The following TBC1D22A variants were observed in gnomAD, a reference collection of about 807,000 sequenced individuals.
TBC1D22A encodes the protein TBC1 domain family member 22A, also known as putative GTPase activator.
In TBC1D22A, 38 loss-of-function variants were observed where a neutral mutation model predicts 60.2. The ratio of observed to expected loss-of-function variants is 0.63; its 90% CI spans 0.49 to 0.83. TBC1D22A has a LOEUF of 0.83. Among genes scored for constraint, TBC1D22A ranks in the 40% least tolerant of loss-of-function variants. The pLI, the probability that TBC1D22A is intolerant of heterozygous loss-of-function variation, is 0.00. For missense variants in TBC1D22A, 628 were observed against 701.0 expected (o/e 0.90, Z 1.18); for synonymous variants, 302 against 281.7 (o/e 1.07, Z -0.72).
chr22:47,039,001 G>C (rs971874861), intron 11 of TBC1D22A, among the ~76,000 whole-genome samples: 1 of 152,186 alleles, frequency 6.6e-6, no homozygotes, highest in African/African-American at 2.4e-5. Flanking sequence ...TGGTTAGGCT[G>C]TTTGAGACCC....
intron 11 of TBC1D22A, among the ~76,000 whole-genome samples, chr22:47,040,268 C>T (rs113313692): frequency 5.9e-5 from 9 of 152,164 alleles, no homozygotes; most frequent in Admixed American, 2.0e-4. Context: ...TTAAACAACC[C>T]GATCTCAGGA....
At chr22:47,160,996 C>G (rs1164537167) in intron 12 of TBC1D22A, among the ~76,000 whole-genome samples, 1 of 152,154 alleles carries the variant, frequency 6.6e-6, no homozygotes, top group Non-Finnish European at 1.5e-5. Context: ...TCTAGAAAAA[C>G]TGAGGTTTCC....
At chr22:46,792,215 C>T (rs1307303103) in intron 1 of TBC1D22A, among the ~76,000 whole-genome samples, 1 of 152,264 alleles carries the variant, frequency 6.6e-6, no homozygotes, top group Non-Finnish European at 1.5e-5. Flanking sequence ...CCCAGACACC[C>T]TCATCACCGT....
chr22:46,763,599 G>A (rs1226880965), intron 1 of TBC1D22A: 3 of 151,838 alleles, frequency 2.0e-5, no homozygotes, highest in Non-Finnish European at 4.4e-5. Flanking sequence ...TCAGAGATAA[G>A]CAAACGTCAA....
At chr22:47,063,946 G>A (rs2063671740) in intron 11 of TBC1D22A, among the ~76,000 whole-genome samples, 1 of 50,106 alleles carries the variant, frequency 2.0e-5, no homozygotes, top group Admixed American at 2.6e-4. Flanking sequence ...CCCTACTCCA[G>A]TGTGGCCTCC....
intron 10 of TBC1D22A, among the ~76,000 whole-genome samples, chr22:47,021,698 A>G (rs925964551): frequency 6.6e-6 from 1 of 152,262 alleles, no homozygotes; most frequent in Non-Finnish European, 1.5e-5. Context: ...TGACCCATAC[A>G]GACTCATAAA....
chr22:46,875,224 T>A (rs751756721), intron 4 of TBC1D22A, among the ~76,000 whole-genome samples: 11 of 152,190 alleles, frequency 7.2e-5, no homozygotes, highest in Non-Finnish European at 1.5e-4. Flanking sequence ...TTGTAAAGAA[T>A]GAACTACTGG....
At chr22:46,973,532 C>T (rs2074164064) in intron 8 of TBC1D22A, among the ~76,000 whole-genome samples, 1 of 152,078 alleles carries the variant, frequency 6.6e-6, no homozygotes, top group African/African-American at 2.4e-5. Flanking sequence ...GAACGTTTTC[C>T]TTGCGAAGAT....
At chr22:47,077,718 G>A (rs999125160) in intron 11 of TBC1D22A, among the ~76,000 whole-genome samples, 5 of 152,232 alleles carry the variant, frequency 3.3e-5, no homozygotes, top group African/African-American at 9.6e-5. Flanking sequence ...GGTGGCAGAA[G>A]CACGGGGACC....
chr22:47,016,394 C>T (rs538883800), intron 10 of TBC1D22A, among the ~76,000 whole-genome samples: 1 of 152,178 alleles, frequency 6.6e-6, no homozygotes, highest in African/African-American at 2.4e-5. Flanking sequence ...TGGCCCTCCC[C>T]CAAGGAACCC....
At chr22:47,057,651 G>A (rs1214320480) in intron 11 of TBC1D22A, among the ~76,000 whole-genome samples, 2 of 152,192 alleles carry the variant, frequency 1.3e-5, no homozygotes, top group Admixed American at 1.3e-4. Flanking sequence ...CTTACATAGC[G>A]GCAGGCAAGA....
At chr22:47,029,404 G>T (rs1940075700) in intron 10 of TBC1D22A, among the ~76,000 whole-genome samples, 1 of 152,316 alleles carries the variant, frequency 6.6e-6, no homozygotes, top group South Asian at 2.1e-4. Context: ...GCCCCTCAGA[G>T]CTTGGTGACC....
chr22:46,962,995 C>T (rs1207296226), intron 8 of TBC1D22A, among the ~76,000 whole-genome samples: 2 of 151,240 alleles, frequency 1.3e-5, no homozygotes, highest in African/African-American at 4.9e-5. Flanking sequence ...TGGTGGATCA[C>T]AAGGTCAGGA....
intron 12 of TBC1D22A, among the ~76,000 whole-genome samples, chr22:47,141,524 T>C (rs1023646672): frequency 5.3e-5 from 8 of 152,376 alleles, no homozygotes; most frequent in African/African-American, 1.9e-4. Flanking sequence ...ACAGCTGGTA[T>C]GTGGCACTGT....
At chr22:47,113,705 C>T (rs571052229) in intron 12 of TBC1D22A, among the ~76,000 whole-genome samples, 5 of 152,156 alleles carry the variant, frequency 3.3e-5, no homozygotes, top group Non-Finnish European at 5.9e-5. Flanking sequence ...CAAGGTGGCT[C>T]GAGGCAGACC....
At chr22:47,089,163 A>G (rs2064817406) in intron 11 of TBC1D22A, among the ~76,000 whole-genome samples, 1 of 152,186 alleles carries the variant, frequency 6.6e-6, no homozygotes, top group African/African-American at 2.4e-5. Flanking sequence ...TGATGAGAAC[A>G]AAGTGACAGC....
intron 1 of TBC1D22A, among the ~76,000 whole-genome samples, chr22:46,764,903 C>T (rs900649803): frequency 5.9e-5 from 9 of 152,126 alleles, no homozygotes; most frequent in East Asian, 3.8e-4. Flanking sequence ...GGGTTTTTGG[C>T]GTTTAAAACT....
chr22:47,018,314 G>T (rs983366331), intron 10 of TBC1D22A, among the ~76,000 whole-genome samples: 3 of 152,094 alleles, frequency 2.0e-5, no homozygotes, highest in African/African-American at 7.2e-5. Context: ...TCTGTTCTGG[G>T]CGCACATGCA....
At chr22:46,774,779 C>T (rs2083631261) in intron 1 of TBC1D22A, among the ~76,000 whole-genome samples, 1 of 152,184 alleles carries the variant, frequency 6.6e-6, no homozygotes. Context: ...CCGCTCTGTT[C>T]CCACGGGTCC....
Sources: gnomAD v4.1 joint callset for allele counts (sites outside exome capture counted in the v4.1 genomes callset) on GRCh38, gnomAD v4.1.1 for gene constraint, MANE v1.5 for transcripts, NCBI Gene and HGNC (gene_info 2026-07-23, HGNC 2026-07-21) for gene names.